The following CBFB variants were observed in gnomAD, a reference collection of about 807,000 sequenced individuals.
The protein encoded by CBFB is core-binding factor subunit beta, also known as CBF-beta.
A neutral mutation model predicts 30.4 loss-of-function variants in CBFB; 9 were observed. The ratio of observed to expected loss-of-function variants is 0.30; its 90% CI spans 0.18 to 0.52. The LOEUF (loss-of-function observed/expected upper bound fraction) is 0.52. Ranked by LOEUF, CBFB falls within the 20% of genes least tolerant of loss-of-function variation. The pLI is 0.97. For synonymous variants in CBFB, 94 were observed against 84.0 expected (o/e 1.12, Z -0.65); for missense variants, 170 against 244.0 (o/e 0.70, Z 2.02).
intron 3 of CBFB, among the ~76,000 whole-genome samples, chr16:67,062,557 C>G (rs146475164): frequency 0.039 from 5,824 of 150,860 alleles, 134 homozygotes; most frequent in South Asian, 0.058. Flanking sequence ...TCTGGGAGGC[C>G]AAGGCGGGCG....
rs564305472 is a variant in CBFB at position 67,095,757 on chromosome 16, A to G, written c.496-2953A>G. ...GCCCAGGCTGGAGTGCAACAGCACA[A>G]TCTCGGCTCACCACAACCTCTGCCT... On this transcript the variant is annotated intron_variant, in intron 5 of 5. Transcript: ENST00000412916. Among the ~76,000 whole-genome samples, 9 of 150,872 alleles carry G rather than the reference A, an allele frequency of 6.0e-5. No individual in the cohort carries two copies. In the South Asian group the frequency reaches 1.3e-3, roughly 21 times the overall value.
At chr16:67,051,753 G>GTT (rs200753813) in intron 3 of CBFB, among the ~76,000 whole-genome samples, 22 of 145,244 alleles carry the variant, frequency 1.5e-4, no homozygotes, top group Non-Finnish European at 1.4e-4. Context: ...TTTTTTTTGT[G>GTT]TTTTTTTTTT....
chr16:67,048,947 G>A (rs1966686145), intron 3 of CBFB, among the ~76,000 whole-genome samples: 1 of 150,744 alleles, frequency 6.6e-6, no homozygotes, highest in Non-Finnish European at 1.5e-5. Context: ...AGCCTCCCGA[G>A]TAGCTGGGAT....
At chr16:67,051,432 G>A (rs1239417296) in intron 3 of CBFB, among the ~76,000 whole-genome samples, 1 of 151,554 alleles carries the variant, frequency 6.6e-6, no homozygotes, top group East Asian at 1.9e-4. Flanking sequence ...CCAAATATAT[G>A]TATATATATC....
At chr16:67,089,621 A>T (rs1476187049) in intron 5 of CBFB, among the ~76,000 whole-genome samples, 1 of 152,130 alleles carries the variant, frequency 6.6e-6, no homozygotes, top group African/African-American at 2.4e-5. Context: ...CAGTTTTTTT[A>T]AAAGGCACTG....
intron 5 of CBFB, among the ~76,000 whole-genome samples, chr16:67,088,343 C>T (rs1961785951): frequency 6.6e-6 from 1 of 152,116 alleles, no homozygotes; most frequent in Admixed American, 6.6e-5. Flanking sequence ...TGTTGTTTCC[C>T]CTCTGTGATT....
At chr16:67,036,464 C>G in intron 2 of CBFB, 175 bp from the exon 3 acceptor site, 1 of 532,206 alleles carries the variant, frequency 1.9e-6, no homozygotes, top group Non-Finnish European at 3.4e-6. Context: ...AAAATGGAAT[C>G]AGATGTTTGT....
intron 4 of CBFB, among the ~76,000 whole-genome samples, chr16:67,072,051 A>G (rs557690234): frequency 6.6e-6 from 1 of 152,294 alleles, no homozygotes; most frequent in East Asian, 1.9e-4. Context: ...GTTTTTTGAA[A>G]AGTTAAAGTT....
intron 4 of CBFB, among the ~76,000 whole-genome samples, chr16:67,077,213 A>G (rs922056789): frequency 1.3e-5 from 2 of 152,214 alleles, no homozygotes; most frequent in African/African-American, 2.4e-5. Flanking sequence ...TCACAAAACA[A>G]TATTTCACGT....
chr16:67,050,651 G>A (rs1164669962), intron 3 of CBFB, among the ~76,000 whole-genome samples: 4 of 151,904 alleles, frequency 2.6e-5, no homozygotes, highest in African/African-American at 9.7e-5. Context: ...AAATTAGCCG[G>A]GTATGGTGGC....
rs1962205925 is a variant in CBFB at position 67,101,017 on chromosome 16, T to C, written c.*2239T>C. On this transcript the variant is annotated 3_prime_UTR_variant, in exon 6 of 6. Coordinates refer to ENST00000412916, the MANE Select transcript of CBFB (RefSeq NM_022845.3). ...ACCATTGGCCATACTGTGTGTTTGT[T>C]TGTTTAATTTACTTTCACAATAAAC... 2 of 182,976 alleles carry C rather than the reference T, an allele frequency of 1.1e-5. No homozygotes were observed. 11.3% of individuals were successfully genotyped at this position (182,976 alleles called of 1,614,324 possible).
At chr16:67,063,350 A>C (rs1419200572) in intron 3 of CBFB, among the ~76,000 whole-genome samples, 1 of 152,214 alleles carries the variant, frequency 6.6e-6, no homozygotes, top group African/African-American at 2.4e-5. Context: ...AAATTGGTTC[A>C]TTGTGGTTTA....
chr16:67,030,930 G>T (rs1220583838), intron 2 of CBFB, among the ~76,000 whole-genome samples: 1 of 152,174 alleles, frequency 6.6e-6, no homozygotes, highest in East Asian at 1.9e-4. Flanking sequence ...CTGTCTAATG[G>T]AATGCTGTTA....
chr16:67,036,929 G>A (rs879414617), intron 3 of CBFB, among the ~76,000 whole-genome samples, 174 bp downstream of exon 3: 6 of 150,988 alleles, frequency 4.0e-5, no homozygotes, highest in Non-Finnish European at 7.4e-5. Context: ...ATGGCGTTTC[G>A]CTCTTGTTGC....
At position 67,078,949 on chromosome 16, in the gene CBFB, C is replaced by T. The variant is rs560184362; in HGVS notation, c.400-3264C>T. On this transcript the variant is annotated intron_variant, in intron 4 of 5. Transcript: ENST00000412916. Reference sequence around the variant, plus strand: ...GCTTGAGCTTATAGGTGTGAGCCACCGCACCAGGCCCACAGTTTTTTCCTG... The same window carrying T: ...GCTTGAGCTTATAGGTGTGAGCCACTGCACCAGGCCCACAGTTTTTTCCTG... Among the ~76,000 whole-genome samples the T allele has an allele frequency of 1.1e-4, 16 of 152,268 alleles. No homozygotes were observed. The South Asian group carries it at 2.3e-3, about 22-fold the overall frequency.
At chr16:67,074,241 G>A (rs911031312) in intron 4 of CBFB, among the ~76,000 whole-genome samples, 2 of 151,814 alleles carry the variant, frequency 1.3e-5, no homozygotes, top group African/African-American at 2.4e-5. Context: ...AGACAAGGGT[G>A]GGGGGCAGGG....
chr16:67,086,703 TAAGTA>T (rs756813173), intron 5 of CBFB, among the ~76,000 whole-genome samples: 8 of 152,334 alleles, frequency 5.3e-5, no homozygotes, highest in South Asian at 2.1e-4. Context: ...ATTAACTAGT[TAAGTA>T]AAGTAATAAA....
chr16:67,030,090 T>C (rs751019546), intron 2 of CBFB: 11 of 388,910 alleles, frequency 2.8e-5, no homozygotes, highest in Non-Finnish European at 5.0e-5. Context: ...GCGAAGGGCA[T>C]TGTTTAGGCG....
chr16:67,076,474 T>C (rs1410749047), intron 4 of CBFB, among the ~76,000 whole-genome samples: 1 of 151,976 alleles, frequency 6.6e-6, no homozygotes. Context: ...TACATGTTTT[T>C]CCCCCCATTT....
Sources: allele counts gnomAD v4.1 joint callset (sites outside exome capture counted in the v4.1 genomes callset), GRCh38; gene constraint gnomAD v4.1.1; transcripts MANE v1.5; gene names NCBI Gene and HGNC (gene_info 2026-07-23, HGNC 2026-07-21).